Variants in MIGA2 observed in about 807,000 individuals in gnomAD.
MIGA2 encodes the protein mitoguardin 2.
Under a neutral mutation model 69.9 loss-of-function variants are expected in MIGA2, and 36 were observed. The ratio of observed to expected loss-of-function variants is 0.52; its 90% CI spans 0.39 to 0.68. The LOEUF (loss-of-function observed/expected upper bound fraction) is 0.68, where lower values mean the gene tolerates loss of function less well. Ranked by LOEUF, MIGA2 falls within the 30% of genes least tolerant of loss-of-function variation. The pLI is 0.00. For missense variants in MIGA2, 660 were observed against 787.7 expected (o/e 0.84, Z 1.94); for synonymous variants, 333 against 349.2 (o/e 0.95, Z 0.52).
At chr9:129,041,992 G>T (rs1405389323) in intron 2 of MIGA2, 1 of 334,462 alleles carries the variant, frequency 3.0e-6, no homozygotes, top group Non-Finnish European at 5.8e-6. Flanking sequence ...CCCCAGGCTA[G>T]GTCCTAGTGC....
rs768712608 is a variant in MIGA2 at position 129,069,190 on chromosome 9, C to T, written c.1458+61C>T. 2.0e-5 allele frequency: 32 copies of T among 1,605,626 alleles called. No homozygotes were observed. The highest frequency in any genetic ancestry group is 1.3e-4 in the East Asian group (6 of 44,866). On this transcript the variant is annotated intron_variant, in intron 14 of 15. Coordinates refer to ENST00000684074, the MANE Select transcript of MIGA2 (RefSeq NM_001329990.2). The surrounding 1 kb of genome is among the most constrained non-coding windows in gnomAD (Gnocchi z 4.9). The stretch of plus-strand genomic sequence containing the variant: ...GGCTCTGAGGCAGCGTGGTGGGGAG[C>T]GGAGCGGGTGCAGGGTGGCTCGCTG...
In MIGA2 at chr9:129,067,931, G is replaced by A. The variant is rs200120093; in HGVS notation, c.1269+60G>A. 1.8e-5 allele frequency: 28 copies of A among 1,543,060 alleles called. No individual in the cohort carries two copies. The East Asian group carries it at 6.6e-4, about 36-fold the overall frequency. ...GCTCCCCTGCATCTGAGCAGCAAGG[G>A]GGTTCTTGTGCCGAGCTCTAGCTCA... On this transcript the variant is annotated intron_variant, in intron 12 of 15. Transcript: ENST00000684074.
intron 1 of MIGA2, among the ~76,000 whole-genome samples, chr9:129,039,175 TTGTGTGTGTGTGTGTGTG>T (rs61426484): frequency 3.8e-4 from 53 of 140,000 alleles, no homozygotes; most frequent in East Asian, 1.5e-3. Flanking sequence ...AGCTCTTTGT[TTGTGTGTGTGTGTGTGTG>T]TGTGTGTGTG....
At chr9:129,047,483 G>A (rs1845289260) in intron 3 of MIGA2, among the ~76,000 whole-genome samples, 2 of 152,018 alleles carry the variant, frequency 1.3e-5, no homozygotes, top group African/African-American at 4.8e-5. Context: ...CACAGTCTTG[G>A]CTCACTGCAA....
chr9:129,041,932 G>A (rs957513572), intron 2 of MIGA2, among the ~76,000 whole-genome samples: 4 of 152,160 alleles, frequency 2.6e-5, no homozygotes, highest in Admixed American at 2.6e-4. Flanking sequence ...GTCTTCATGT[G>A]GGTGAACCTC....
intron 5 of MIGA2, 135 bp from the exon 6 acceptor site, chr9:129,049,692 C>A: frequency 7.1e-7 from 1 of 1,409,226 alleles, no homozygotes; most frequent in Non-Finnish European, 9.9e-7. Context: ...GGCCTGGAAC[C>A]TGAGCAGCCC....
chr9:129,056,286 G>A (rs60846680), intron 6 of MIGA2, among the ~76,000 whole-genome samples: 5 of 152,124 alleles, frequency 3.3e-5, no homozygotes, highest in African/African-American at 9.7e-5. Context: ...TAGAGCCACA[G>A]ACACCTGTAT....
rs374642004 is a variant in MIGA2 at position 129,049,231 on chromosome 9, GGT to G, written c.421-146_421-145del. On this transcript the variant is annotated intron_variant, in intron 4 of 15. Coordinates refer to ENST00000684074, the MANE Select transcript of MIGA2 (RefSeq NM_001329990.2). ...GTTTGTGGGTCCAGGCCATTCTGAG[GGT>G]GTGGACGCTGTGGCTAGGAACAAGC... 5.8e-5 allele frequency: 40 copies of G among 695,318 alleles called. No homozygotes were observed. In the African/African-American group the frequency reaches 5.8e-4, roughly 10 times the overall value. 43.1% of individuals were successfully genotyped at this position (695,318 alleles called of 1,614,324 possible).
intron 3 of MIGA2, among the ~76,000 whole-genome samples, chr9:129,045,174 A>G (rs1298304416): frequency 2.7e-5 from 4 of 150,426 alleles, no homozygotes; most frequent in Non-Finnish European, 5.9e-5. Context: ...AAACGAAGCA[A>G]AAGTAGCCTG....
intron 1 of MIGA2, among the ~76,000 whole-genome samples, chr9:129,037,827 C>T (rs1462786467): frequency 6.6e-6 from 1 of 152,172 alleles, no homozygotes; most frequent in African/African-American, 2.4e-5. Flanking sequence ...CTGGGAAACC[C>T]TGCCACAGCC....
intron 1 of MIGA2, among the ~76,000 whole-genome samples, chr9:129,038,280 C>A (rs1844704979): frequency 6.6e-6 from 1 of 152,218 alleles, no homozygotes; most frequent in South Asian, 2.1e-4. Flanking sequence ...GCTCCTCAGT[C>A]CTTCCCACTC....
intron 3 of MIGA2, among the ~76,000 whole-genome samples, chr9:129,045,090 G>A (rs1344019413): frequency 6.7e-6 from 1 of 149,942 alleles, no homozygotes; most frequent in Non-Finnish European, 1.5e-5. Flanking sequence ...GGTGGAGCTT[G>A]CAGTGAGCCG....
At position 129,071,510 on chromosome 9, in the gene MIGA2, T is replaced by A. The variant is rs1003338064; in HGVS notation, c.*1057T>A. The A allele has an allele frequency of 1.3e-5, 2 of 152,144 alleles. No homozygotes were observed. The highest frequency in any genetic ancestry group is 2.9e-5 in the Non-Finnish European group (2 of 68,030). The allele number at this position is 152,144 out of a possible 1,614,324, so 9.4% of individuals were successfully genotyped here. ...AGCGAGTGTCTGTGGCCCCAACGCG[T>A]TCTGCTGTGGCTCTGCCCTTTCCAG... On this transcript the variant is annotated 3_prime_UTR_variant, in exon 16 of 16. Coordinates refer to ENST00000684074, the MANE Select transcript of MIGA2 (RefSeq NM_001329990.2).
Position 129,063,643 on chromosome 9 carries a change from TGGGGTGG to T in MIGA2, c.1170+17_1170+23del. 1 of 584,614 alleles carries T rather than the reference TGGGGTGG, an allele frequency of 1.7e-6. No individual in the cohort carries two copies. Among genetic ancestry groups the T allele is most frequent in the Non-Finnish European group, 2.8e-6 (1 of 360,648 alleles). The allele number at this position is 584,614 out of a possible 1,614,324, so 36.2% of individuals were successfully genotyped here. ...CCAAGGCTGAGAAGGTAGCAGGGGG[TGGGGTGG>T]GGGGGCAAATTATAAAATGCAAACC... On this transcript the variant is annotated intron_variant, in intron 11 of 15. Transcript: ENST00000684074.
Position 129,068,033 on chromosome 9 carries a change from A to AG in MIGA2, c.1270-163dup, listed in dbSNP as rs1391875667. On this transcript the variant is annotated intron_variant, in intron 12 of 15. Transcript: ENST00000684074. This position sits in a 1 kb window ranked among gnomAD's most constrained non-coding sequence, Gnocchi z 4.1. ...CCCTGCCCCAGGCCAAGGCAGAGGG[A>AG]GGAATGGCCTCAGCTACACCCGTTG... 1 of 1,256,988 alleles carries AG rather than the reference A, an allele frequency of 8.0e-7. No homozygotes were observed. The highest frequency in any genetic ancestry group is 1.1e-6 in the Non-Finnish European group (1 of 881,308). The allele number at this position is 1,256,988 out of a possible 1,614,324, so 77.9% of individuals were successfully genotyped here. A position where few individuals can be genotyped will look rare whatever the true frequency, so the allele number is the denominator to read the frequency against.
Position 129,069,790 on chromosome 9 carries a change from C to A in MIGA2, c.1459-59C>A. Reference sequence around the variant, plus strand: ...CCCAGCCCTTTATGCGACACCTGGGCCTGGTGCCCTCATCCTACCTGGGCC... The same window carrying A: ...CCCAGCCCTTTATGCGACACCTGGGACTGGTGCCCTCATCCTACCTGGGCC... On this transcript the variant is annotated intron_variant, in intron 14 of 15. Coordinates refer to ENST00000684074, the MANE Select transcript of MIGA2 (RefSeq NM_001329990.2). The surrounding 1 kb of genome is among the most constrained non-coding windows in gnomAD (Gnocchi z 4.9). 1.7e-6 allele frequency: 2 copies of A among 1,164,942 alleles called. No individual in the cohort carries two copies. The highest frequency in any genetic ancestry group is 2.6e-6 in the Non-Finnish European group (2 of 773,168). 72.2% of individuals were successfully genotyped at this position (1,164,942 alleles called of 1,614,324 possible).
rs1457242680 is a variant in MIGA2 at position 129,060,156 on chromosome 9, A to G, written c.794-394A>G. ...GGACTCTTTCGAGCCCTTGGTATCA[A>G]TGGCTGAGTTTCAGCTTGTCAGAGG... On this transcript the variant is annotated intron_variant, in intron 7 of 15. Transcript: ENST00000684074. The surrounding 1 kb of genome is among the most constrained non-coding windows in gnomAD (Gnocchi z 4.8). Among the ~76,000 whole-genome samples, 1 of 152,176 alleles carries G rather than the reference A, an allele frequency of 6.6e-6. No individual in the cohort carries two copies. Among genetic ancestry groups the G allele is most frequent in the Non-Finnish European group, 1.5e-5 (1 of 68,018 alleles).
At position 129,040,499 on chromosome 9, in the gene MIGA2, G is replaced by T. The variant is rs193049423; in HGVS notation, c.-96G>T. 2.8e-3 allele frequency: 4,096 copies of T among 1,488,274 alleles called. 10 individuals are homozygous for T. The highest frequency in any genetic ancestry group is 3.7e-3 in the Middle Eastern group (21 of 5,644). The allele number at this position is 1,488,274 out of a possible 1,614,324, so 92.2% of individuals were successfully genotyped here. A position where few individuals can be genotyped will look rare whatever the true frequency, so the allele number is the denominator to read the frequency against. On this transcript the variant is annotated 5_prime_UTR_variant, in exon 2 of 16. Transcript: ENST00000684074. The stretch of plus-strand genomic sequence containing the variant: ...ATGTGTGTCCCTGTCCTTCTGGGGC[G>T]TGGATGGTGCCTGGGACCCAGCTGG...
intron 3 of MIGA2, among the ~76,000 whole-genome samples, chr9:129,043,303 G>A (rs1231615010): frequency 2.0e-5 from 3 of 152,070 alleles, no homozygotes; most frequent in African/African-American, 7.2e-5. Flanking sequence ...ACCATAGTTA[G>A]GAATCATTCA....
Sources: allele counts gnomAD v4.1 joint callset (sites outside exome capture counted in the v4.1 genomes callset), GRCh38; gene constraint gnomAD v4.1.1; non-coding constraint Gnocchi (gnomAD v3.1); transcripts MANE v1.5; gene names NCBI Gene and HGNC (gene_info 2026-07-23, HGNC 2026-07-21).